The following TRDN variants were observed in gnomAD, a reference collection of about 807,000 sequenced individuals.
TRDN encodes triadin in skeletal muscle.
TRDN carries 161 observed loss-of-function variants against 149.7 expected under a neutral mutation model. The ratio of observed to expected loss-of-function variants is 1.08; its 90% CI spans 0.95 to 1.23. TRDN has a LOEUF of 1.23. Among genes scored for constraint, TRDN ranks in the 50% most tolerant of loss-of-function variants. The pLI is 0.00. For missense variants in TRDN, 896 were observed against 823.5 expected, an observed-to-expected ratio of 1.09 and a Z score of -1.08; for synonymous variants, 294 against 250.5, an observed-to-expected ratio of 1.17 and a Z score of -1.64.
chr6:123,546,415 G>A (rs1285641227), intron 4 of TRDN, among the ~76,000 whole-genome samples: 1 of 152,028 alleles, frequency 6.6e-6, no homozygotes, highest in East Asian at 1.9e-4. Context: ...TTTTCTCAGG[G>A]AAGGCTGAAA....
At chr6:123,287,222 A>C (rs991459499) in intron 24 of TRDN, among the ~76,000 whole-genome samples, 4 of 152,170 alleles carry the variant, frequency 2.6e-5, no homozygotes, top group Non-Finnish European at 5.9e-5. Context: ...ATCTGAAGAC[A>C]TTTCACAGTT....
chr6:123,569,305 A>C (rs1440142022), intron 2 of TRDN, among the ~76,000 whole-genome samples: 1 of 152,156 alleles, frequency 6.6e-6, no homozygotes, highest in Non-Finnish European at 1.5e-5. Context: ...TATCAGTATC[A>C]GCATTTTGGT....
intron 12 of TRDN, among the ~76,000 whole-genome samples, chr6:123,425,232 G>GGT (rs60065532): frequency 0.016 from 2,255 of 138,690 alleles, 34 homozygotes; most frequent in East Asian, 0.073. Context: ...CAGAGGTAGA[G>GGT]GTGTGTGTGT....
intron 37 of TRDN, among the ~76,000 whole-genome samples, chr6:123,253,859 C>T (rs1015168113): frequency 6.6e-6 from 1 of 152,104 alleles, no homozygotes; most frequent in Non-Finnish European, 1.5e-5. Flanking sequence ...TTGGGATATA[C>T]TCTATCCTTG....
At chr6:123,559,343 T>C (rs1056493348) in intron 2 of TRDN, among the ~76,000 whole-genome samples, 3 of 152,276 alleles carry the variant, frequency 2.0e-5, no homozygotes, top group Middle Eastern at 3.4e-3. Flanking sequence ...CAATACTCTT[T>C]TAAGCACTCC....
Position 123,268,164 on chromosome 6 carries a change from CCTT to C in TRDN, c.1739-416_1739-414del, listed in dbSNP as rs1777079338. On this transcript the variant is annotated intron_variant, in intron 31 of 40. Coordinates refer to ENST00000334268, the MANE Select transcript of TRDN (RefSeq NM_006073.4). ...TTTTTTCCTCTTTGAATCCTAGTAA[CCTT>C]CTTGCCAGTTAGAAGCAATGCACTG... 7.2e-5 allele frequency among the ~76,000 whole-genome samples: 11 copies of C among 152,020 alleles called. No homozygotes were observed. The South Asian group carries it at 2.3e-3, about 32-fold the overall frequency.
At chr6:123,624,303 A>G (rs1422859800) in intron 1 of TRDN, among the ~76,000 whole-genome samples, 1 of 152,148 alleles carries the variant, frequency 6.6e-6, no homozygotes, top group Non-Finnish European at 1.5e-5. Flanking sequence ...CCACGATAGT[A>G]TAGCACATCA....
At chr6:123,221,663 G>T (rs1775153105) in intron 39 of TRDN, 141 bp from the exon 40 acceptor site, 1 of 429,548 alleles carries the variant, frequency 2.3e-6, no homozygotes, top group Admixed American at 4.4e-5. Context: ...CTCCAGATTT[G>T]TACACAGATT....
intron 7 of TRDN, chr6:123,510,182 C>T (rs1167473754): frequency 6.6e-6 from 1 of 151,934 alleles, no homozygotes; most frequent in East Asian, 1.9e-4. Context: ...TTCATGTTAT[C>T]TTCTAAAAAT....
intron 24 of TRDN, among the ~76,000 whole-genome samples, chr6:123,306,166 T>C (rs1778602509): frequency 6.6e-6 from 1 of 152,188 alleles, no homozygotes; most frequent in Non-Finnish European, 1.5e-5. Flanking sequence ...TGATTGCTGA[T>C]GTCTGCCCAG....
intron 9 of TRDN, among the ~76,000 whole-genome samples, chr6:123,493,429 A>C (rs1420005573): frequency 6.6e-6 from 1 of 152,172 alleles, no homozygotes; most frequent in African/African-American, 2.4e-5. Flanking sequence ...TCTTAGCTAA[A>C]AATTTTAAGA....
chr6:123,460,508 A>C (rs1776388753), intron 10 of TRDN, among the ~76,000 whole-genome samples: 1 of 152,148 alleles, frequency 6.6e-6, no homozygotes, highest in African/African-American at 2.4e-5. Context: ...ATCCTATTAA[A>C]AATCACCAAA....
chr6:123,236,034 C>A (rs57261111), intron 38 of TRDN, among the ~76,000 whole-genome samples: 7,855 of 152,170 alleles, frequency 0.052, 587 homozygotes, highest in African/African-American at 0.18. Flanking sequence ...ATTTTTATTT[C>A]TCTCATCCTT....
At chr6:123,564,967 G>A (rs891062883) in intron 2 of TRDN, among the ~76,000 whole-genome samples, 3 of 152,142 alleles carry the variant, frequency 2.0e-5, no homozygotes, top group Non-Finnish European at 4.4e-5. Flanking sequence ...AAGGAAAAGA[G>A]TTACCACATT....
chr6:123,390,751 G>A (rs1782078463), intron 13 of TRDN, among the ~76,000 whole-genome samples: 1 of 151,992 alleles, frequency 6.6e-6, no homozygotes, highest in African/African-American at 2.4e-5. Context: ...CTCTGTTATG[G>A]GATTGGATGA....
intron 27 of TRDN, among the ~76,000 whole-genome samples, chr6:123,274,129 G>A (rs1279750638): frequency 6.6e-6 from 1 of 152,024 alleles, no homozygotes; most frequent in African/African-American, 2.4e-5. Context: ...TTAAGTATAG[G>A]TAATAATGGC....
intron 24 of TRDN, among the ~76,000 whole-genome samples, chr6:123,312,812 C>T (rs960695910): frequency 6.6e-6 from 1 of 151,934 alleles, no homozygotes; most frequent in African/African-American, 2.4e-5. Context: ...AGCCATCTTT[C>T]GATAGCTCAT....
intron 13 of TRDN, among the ~76,000 whole-genome samples, chr6:123,392,499 A>G (rs1272477110): frequency 1.3e-5 from 2 of 152,018 alleles, no homozygotes; most frequent in African/African-American, 4.8e-5. Flanking sequence ...ACTGGTAGTC[A>G]TTGGCTTGAG....
At chr6:123,456,029 A>C (rs917376927) in intron 10 of TRDN, among the ~76,000 whole-genome samples, 3 of 152,206 alleles carry the variant, frequency 2.0e-5, no homozygotes, top group African/African-American at 4.8e-5. Context: ...CAAAACATAC[A>C]TTACCTTAAA....
Sources: allele counts gnomAD v4.1 joint callset (sites outside exome capture counted in the v4.1 genomes callset), GRCh38; gene constraint gnomAD v4.1.1; transcripts MANE v1.5; gene names NCBI Gene and HGNC (gene_info 2026-07-23, HGNC 2026-07-21).